Variants in CCSER1 observed in about 807,000 individuals in gnomAD.
The protein encoded by CCSER1 is coiled-coil serine rich protein 1.
In CCSER1, 41 loss-of-function variants were observed where a neutral mutation model predicts 82.0. The ratio of observed to expected loss-of-function variants is 0.50; its 90% CI spans 0.39 to 0.65. The LOEUF (loss-of-function observed/expected upper bound fraction) is 0.65. Ranked by LOEUF, CCSER1 falls within the 30% of genes least tolerant of loss-of-function variation. CCSER1 has a pLI of 0.00. For synonymous variants in CCSER1, 414 were observed against 383.9 expected (o/e 1.08, Z -0.92); for missense variants, 1,119 against 1,064.2 (o/e 1.05, Z -0.72).
intron 9 of CCSER1, among the ~76,000 whole-genome samples, chr4:90,924,717 G>T (rs576600179): frequency 1.3e-3 from 202 of 152,124 alleles, no homozygotes; most frequent in Non-Finnish European, 1.9e-3. Context: ...TTGGTTTTTT[G>T]TTGTTGTTGT....
At chr4:90,553,286 T>C (rs1777747264) in intron 5 of CCSER1, among the ~76,000 whole-genome samples, 1 of 152,214 alleles carries the variant, frequency 6.6e-6, no homozygotes, top group East Asian at 1.9e-4. Context: ...TTTTCAAATA[T>C]AACTTTAATT....
intron 1 of CCSER1, among the ~76,000 whole-genome samples, chr4:90,224,625 G>A (rs191614479): frequency 6.6e-6 from 1 of 152,276 alleles, no homozygotes; most frequent in African/African-American, 2.4e-5. Context: ...ACACACGTAT[G>A]TTTTACTTCA....
At chr4:91,064,036 C>T (rs575934792) in intron 9 of CCSER1, among the ~76,000 whole-genome samples, 132 of 152,260 alleles carry the variant, frequency 8.7e-4, no homozygotes, top group African/African-American at 3.1e-3. Flanking sequence ...TTTTCTTTCA[C>T]TCTCCCTTCT....
intron 10 of CCSER1, among the ~76,000 whole-genome samples, chr4:91,437,440 T>C (rs765381757): frequency 6.6e-6 from 1 of 152,168 alleles, no homozygotes; most frequent in African/African-American, 2.4e-5. Flanking sequence ...TAATAATAAA[T>C]GGACCTCCAG....
rs759306619 is a variant in CCSER1, at chr4:91,212,541, G to T, written c.2217+126547G>T. Reference sequence around the variant, plus strand: ...GTGTCTGGGAATTCAAAACCATCAGGACAGTGTATTTTAATGGAGCAAGAG... The same window carrying T: ...GTGTCTGGGAATTCAAAACCATCAGTACAGTGTATTTTAATGGAGCAAGAG... On this transcript the variant is annotated intron_variant, in intron 10 of 10. Coordinates refer to ENST00000509176, the MANE Select transcript of CCSER1 (RefSeq NM_001145065.2). 7.9e-5 allele frequency among the ~76,000 whole-genome samples: 12 copies of T among 152,072 alleles called. 1 individual carries two copies. Among genetic ancestry groups the T allele is most frequent in the Non-Finnish European group, 7.4e-5 (5 of 68,012 alleles).
intron 5 of CCSER1, among the ~76,000 whole-genome samples, chr4:90,612,783 G>T (rs1411503845): frequency 6.6e-6 from 1 of 152,016 alleles, no homozygotes; most frequent in Non-Finnish European, 1.5e-5. Flanking sequence ...TATTCCTTTT[G>T]GATAATACGT....
At chr4:90,604,415 T>G (rs1039147) in intron 5 of CCSER1, among the ~76,000 whole-genome samples, 49,121 of 151,968 alleles carry the variant, frequency 0.32, 8,884 homozygotes, top group African/African-American at 0.48. Context: ...ATTATCTGTG[T>G]TACTTTTGAG....
chr4:90,450,913 T>C (rs1406678651), intron 4 of CCSER1, among the ~76,000 whole-genome samples: 3 of 152,192 alleles, frequency 2.0e-5, no homozygotes, highest in Non-Finnish European at 4.4e-5. Flanking sequence ...CAAGAAATCA[T>C]TGGTGAGAAA....
chr4:91,195,391 C>T (rs1735326016), intron 10 of CCSER1, among the ~76,000 whole-genome samples: 1 of 152,124 alleles, frequency 6.6e-6, no homozygotes, highest in African/African-American at 2.4e-5. Context: ...AATTTAGAAA[C>T]CACAATGCTG....
chr4:90,833,879 A>G (rs888392205), intron 8 of CCSER1, among the ~76,000 whole-genome samples: 1 of 152,050 alleles, frequency 6.6e-6, no homozygotes, highest in Non-Finnish European at 1.5e-5. Context: ...GGGTTATTCA[A>G]TTGGAGAGTG....
chr4:90,483,175 T>C (rs1202596266), intron 5 of CCSER1, among the ~76,000 whole-genome samples: 3 of 152,196 alleles, frequency 2.0e-5, no homozygotes. Flanking sequence ...GTCTGTTTTA[T>C]CCGAGACTAG....
chr4:91,069,943 A>G (rs1019667474), intron 9 of CCSER1, among the ~76,000 whole-genome samples: 2 of 152,046 alleles, frequency 1.3e-5, no homozygotes, highest in Admixed American at 6.6e-5. Flanking sequence ...GTTGTTCTCA[A>G]TTTATAATAT....
intron 10 of CCSER1, among the ~76,000 whole-genome samples, chr4:91,315,456 A>C (rs2149258344): frequency 6.6e-6 from 1 of 152,136 alleles, no homozygotes; most frequent in East Asian, 1.9e-4. Context: ...CCATAAACAC[A>C]GTTGTTGAAT....
chr4:90,862,514 C>G (rs768213174), intron 8 of CCSER1, among the ~76,000 whole-genome samples: 1 of 151,804 alleles, frequency 6.6e-6, no homozygotes, highest in African/African-American at 2.4e-5. Flanking sequence ...AAATCTAATC[C>G]TACCTTTAAA....
At chr4:90,224,954 C>G (rs1025540685) in intron 1 of CCSER1, among the ~76,000 whole-genome samples, 1 of 151,938 alleles carries the variant, frequency 6.6e-6, no homozygotes, top group Non-Finnish European at 1.5e-5. Context: ...GGCCCTTATC[C>G]CTCTCATGTA....
chr4:91,256,892 T>C (rs6856366), intron 10 of CCSER1, among the ~76,000 whole-genome samples: 33,489 of 151,956 alleles, frequency 0.22, 4,247 homozygotes, highest in African/African-American at 0.34. Flanking sequence ...CCTCATGTCA[T>C]GCTTCTTGGG....
chr4:91,108,680 T>A (rs2148867196), intron 10 of CCSER1, among the ~76,000 whole-genome samples: 1 of 152,330 alleles, frequency 6.6e-6, no homozygotes, highest in East Asian at 1.9e-4. Flanking sequence ...GCCTCTTTTT[T>A]ATCAAAAATA....
At chr4:91,034,616 C>G (rs769598286) in intron 9 of CCSER1, among the ~76,000 whole-genome samples, 9 of 152,058 alleles carry the variant, frequency 5.9e-5, no homozygotes, top group Non-Finnish European at 2.9e-5. Flanking sequence ...GAGCCTTGGC[C>G]ATGGAATATC....
chr4:90,409,146 A>G (rs1309622082), intron 4 of CCSER1, among the ~76,000 whole-genome samples: 2 of 152,244 alleles, frequency 1.3e-5, no homozygotes, highest in Non-Finnish European at 2.9e-5. Flanking sequence ...GACCAAATCT[A>G]CATCTAATTG....
Sources: gnomAD v4.1 joint callset for allele counts (sites outside exome capture counted in the v4.1 genomes callset) on GRCh38, gnomAD v4.1.1 for gene constraint, MANE v1.5 for transcripts, NCBI Gene and HGNC (gene_info 2026-07-23, HGNC 2026-07-21) for gene names.